SGCZ: variants seen among roughly 807,000 people sequenced by gnomAD.
SGCZ encodes zeta-sarcoglycan.
Under a neutral mutation model 41.3 loss-of-function variants are expected in SGCZ, and 40 were observed. That is an observed-to-expected ratio of 0.97 (90% CI 0.75 to 1.26). SGCZ has a LOEUF of 1.26. Among genes scored for constraint, SGCZ ranks in the 50% most tolerant of loss-of-function variants. SGCZ has a pLI of 0.00. For missense variants in SGCZ, 552 were observed against 369.8 expected (o/e 1.49, Z -4.04); for synonymous variants, 206 against 137.5 (o/e 1.50, Z -3.49).
chr8:14,567,658 T>G (rs1381905015), intron 1 of SGCZ, among the ~76,000 whole-genome samples: 1 of 152,158 alleles, frequency 6.6e-6, no homozygotes, highest in African/African-American at 2.4e-5. Flanking sequence ...GGGTTTGTTC[T>G]TTCGCTCTTT....
intron 1 of SGCZ, among the ~76,000 whole-genome samples, chr8:14,950,585 T>C (rs1247736112): frequency 6.6e-6 from 1 of 152,046 alleles, no homozygotes; most frequent in Non-Finnish European, 1.5e-5. Flanking sequence ...GTGGGTTGTG[T>C]TTTCAACTTG....
At chr8:15,097,039 ACCCCAGGCACAAGTGCTC>A (rs1453683477) in intron 1 of SGCZ, among the ~76,000 whole-genome samples, 2 of 151,828 alleles carry the variant, frequency 1.3e-5, no homozygotes, top group Non-Finnish European at 2.9e-5. Flanking sequence ...CTTGTCTTTA[ACCCCAGGCACAAGTGCTC>A]CTCCTGCCTC....
At chr8:15,121,155 C>A (rs983821406) in intron 1 of SGCZ, among the ~76,000 whole-genome samples, 1 of 152,154 alleles carries the variant, frequency 6.6e-6, no homozygotes, top group Non-Finnish European at 1.5e-5. Flanking sequence ...CCATCTTACC[C>A]TTCTTTGGTT....
chr8:15,070,782 G>C (rs1313018777), intron 1 of SGCZ, among the ~76,000 whole-genome samples: 4 of 152,166 alleles, frequency 2.6e-5, no homozygotes, highest in African/African-American at 7.2e-5. Context: ...AGTTGAATGA[G>C]TGTATTAGCT....
At chr8:14,597,629 C>T (rs1805455399) in intron 1 of SGCZ, among the ~76,000 whole-genome samples, 1 of 152,168 alleles carries the variant, frequency 6.6e-6, no homozygotes, top group African/African-American at 2.4e-5. Context: ...AGGCATGTGC[C>T]ACCATGCCCG....
intron 1 of SGCZ, among the ~76,000 whole-genome samples, chr8:15,037,082 G>A (rs1189065219): frequency 6.6e-6 from 1 of 152,128 alleles, no homozygotes; most frequent in Non-Finnish European, 1.5e-5. Flanking sequence ...TGGCAAAGAA[G>A]AAATATACCT....
chr8:15,098,888 G>C lies in SGCZ; in HGVS notation c.39+138697C>G, dbSNP rs186402694. 2.4e-3 allele frequency among the ~76,000 whole-genome samples: 361 copies of C among 152,220 alleles called. 2 individuals are homozygous for C. Among genetic ancestry groups the C allele is most frequent in the African/African-American group, 7.6e-3 (317 of 41,546 alleles). ...AGCCCGGCCAACATGGCGAAATCCT[G>C]TCTCTACTTAAATACAAAAATTAGC... On this transcript the variant is annotated intron_variant, in intron 1 of 7. Coordinates refer to ENST00000382080, the MANE Select transcript of SGCZ (RefSeq NM_139167.4).
intron 2 of SGCZ, among the ~76,000 whole-genome samples, chr8:14,451,039 G>A (rs148044571): frequency 1.3e-3 from 196 of 152,256 alleles, no homozygotes; most frequent in African/African-American, 4.4e-3. Flanking sequence ...AGAGCAGAGG[G>A]TACTTGTTTT....
intron 1 of SGCZ, among the ~76,000 whole-genome samples, chr8:14,830,648 A>C (rs181344357): frequency 5.4e-4 from 82 of 152,270 alleles, no homozygotes; most frequent in African/African-American, 1.9e-3. Flanking sequence ...CAAAACTAAT[A>C]ATTATTTTTT....
intron 4 of SGCZ, among the ~76,000 whole-genome samples, chr8:14,215,784 T>C (rs1019641468): frequency 1.3e-5 from 2 of 151,986 alleles, no homozygotes; most frequent in Non-Finnish European, 2.9e-5. Flanking sequence ...CAAAATAAGA[T>C]AAAACAAACG....
At chr8:14,688,835 A>C (rs1006596699) in intron 1 of SGCZ, among the ~76,000 whole-genome samples, 20 of 152,164 alleles carry the variant, frequency 1.3e-4, no homozygotes, top group African/African-American at 4.3e-4. Context: ...CCCTGTTTGC[A>C]GACGACATGA....
At chr8:14,506,402 A>G (rs185756511) in intron 2 of SGCZ, among the ~76,000 whole-genome samples, 1 of 152,070 alleles carries the variant, frequency 6.6e-6, no homozygotes, top group East Asian at 1.9e-4. Context: ...TATCTCTTCT[A>G]TATCATCATT....
chr8:14,485,866 G>A (rs1801658402), intron 2 of SGCZ, among the ~76,000 whole-genome samples: 1 of 98,408 alleles, frequency 1.0e-5, no homozygotes, highest in African/African-American at 3.2e-5. Context: ...ACGGAGTCTC[G>A]CTCTGTCGCC....
chr8:15,034,216 T>A (rs1245258911), intron 1 of SGCZ, among the ~76,000 whole-genome samples: 1 of 151,950 alleles, frequency 6.6e-6, no homozygotes, highest in African/African-American at 2.4e-5. Flanking sequence ...AACAATTGAA[T>A]AAAATAAGGG....
At chr8:14,902,841 T>C (rs1263683679) in intron 1 of SGCZ, among the ~76,000 whole-genome samples, 1 of 152,142 alleles carries the variant, frequency 6.6e-6, no homozygotes, top group Non-Finnish European at 1.5e-5. Context: ...CTCAGAAGTC[T>C]ACTTTCAATT....
intron 4 of SGCZ, among the ~76,000 whole-genome samples, chr8:14,201,766 C>G (rs1319644952): frequency 1.3e-5 from 2 of 152,080 alleles, no homozygotes; most frequent in Non-Finnish European, 2.9e-5. Flanking sequence ...AATTTAACTA[C>G]ACAAATTATA....
At chr8:14,448,833 T>C (rs1163144175) in intron 2 of SGCZ, among the ~76,000 whole-genome samples, 3 of 151,292 alleles carry the variant, frequency 2.0e-5, no homozygotes, top group Non-Finnish European at 3.0e-5. Context: ...TATACTACTA[T>C]ATATACATTT....
chr8:15,179,114 T>C (rs1315951512), intron 1 of SGCZ, among the ~76,000 whole-genome samples: 3 of 152,048 alleles, frequency 2.0e-5, no homozygotes, highest in African/African-American at 7.2e-5. Flanking sequence ...AAAAAAGAAA[T>C]AAGACTAAAA....
In SGCZ at chr8:14,726,324, C is replaced by CTA. The variant is rs1362751704; in HGVS notation, c.40-171400_40-171399dup. Among the ~76,000 whole-genome samples the CTA allele has an allele frequency of 7.3e-4, 88 of 121,166 alleles. 2 individuals are homozygous for CTA. The highest frequency in any genetic ancestry group is 1.8e-3 in the South Asian group (7 of 3,890). The allele number at this position is 121,166 out of a possible 152,430, so 79.5% of individuals were successfully genotyped here. On this transcript the variant is annotated intron_variant, in intron 1 of 7. Transcript: ENST00000382080. ...TATGTGTAAATACATATATATATAT[C>CTA]TATATATATATATATATAAAATTAG...
Sources: gnomAD v4.1 joint callset for allele counts (sites outside exome capture counted in the v4.1 genomes callset) on GRCh38, gnomAD v4.1.1 for gene constraint, MANE v1.5 for transcripts, NCBI Gene and HGNC (gene_info 2026-07-23, HGNC 2026-07-21) for gene names.